NCOR1: variants seen among roughly 807,000 people sequenced by gnomAD.
The protein encoded by NCOR1 is protein phosphatase 1, regulatory subunit 109.
In NCOR1, 63 loss-of-function variants were observed where a neutral mutation model predicts 288.1. The observed-to-expected ratio is 0.22, with a 90% confidence interval of 0.18 to 0.27. The LOEUF (loss-of-function observed/expected upper bound fraction) is 0.27, where lower values mean the gene tolerates loss of function less well. Ranked by LOEUF, NCOR1 falls within the 10% of genes least tolerant of loss-of-function variation. NCOR1 has a pLI of 1.00. For synonymous variants in NCOR1, 1,007 were observed against 1,065.9 expected (o/e 0.94, Z 1.08); for missense variants, 2,397 against 3,019.2 (o/e 0.79, Z 4.83).
intron 11 of NCOR1, among the ~76,000 whole-genome samples, chr17:16,142,726 G>A (rs1291462691): frequency 6.6e-6 from 1 of 152,154 alleles, no homozygotes; most frequent in Non-Finnish European, 1.5e-5. Context: ...AATGTAAACT[G>A]AGACTAGACA....
intron 4 of NCOR1, among the ~76,000 whole-genome samples, chr17:16,170,104 T>TG (rs2082836755): frequency 1.4e-5 from 2 of 139,360 alleles, no homozygotes; most frequent in African/African-American, 5.7e-5. Context: ...ACATATTTGC[T>TG]TTCTGTGTGT....
chr17:16,089,404 C>G (rs773294634), intron 22 of NCOR1, among the ~76,000 whole-genome samples: 3 of 152,024 alleles, frequency 2.0e-5, no homozygotes, highest in Non-Finnish European at 4.4e-5. Context: ...CAGAGGTCAA[C>G]TCGTATAAAT....
intron 40 of NCOR1, among the ~76,000 whole-genome samples, chr17:16,054,085 A>C (rs912597432): frequency 8.0e-5 from 12 of 150,372 alleles, no homozygotes; most frequent in African/African-American, 2.2e-4. Flanking sequence ...AAAAAAAAAA[A>C]AAAAAAAACT....
At chr17:16,149,959 T>G (rs772505009) in intron 8 of NCOR1, among the ~76,000 whole-genome samples, 1 of 152,106 alleles carries the variant, frequency 6.6e-6, no homozygotes, top group African/African-American at 2.4e-5. Flanking sequence ...TATGTAGAGA[T>G]AGGTGACTTC....
intron 43 of NCOR1, chr17:16,040,165 T>C (rs1299768505): frequency 1.8e-6 from 1 of 560,102 alleles, no homozygotes; most frequent in Admixed American, 2.2e-5. Context: ...CACACTTCTA[T>C]TAAAGTTACT....
At position 16,057,131 on chromosome 17, in the gene NCOR1, G is replaced by A. The variant is rs547756907; in HGVS notation, c.6392+383C>T. 19 of 198,776 alleles carry A rather than the reference G, an allele frequency of 9.6e-5. No homozygotes were observed. In the Admixed American group the frequency reaches 9.6e-4, roughly 10 times the overall value. 12.3% of individuals were successfully genotyped at this position (198,776 alleles called of 1,614,324 possible). On this transcript the variant is annotated intron_variant, in intron 40 of 45. Transcript: ENST00000268712. ...TTACAGGTATAAGCCACTATGTCTG[G>A]CCAATATCACCTTCTTAAACTTCTA...
chr17:16,101,886 G>A, intron 19 of NCOR1, 129 bp from the exon 20 acceptor site: 1 of 1,202,992 alleles, frequency 8.3e-7, no homozygotes, highest in Non-Finnish European at 1.1e-6. Flanking sequence ...GAAAGTAGTT[G>A]TTTAGGATGA....
At chr17:16,127,574 T>TACACATGTGTATATATGTATGTATAC (rs1568205827) in intron 14 of NCOR1, among the ~76,000 whole-genome samples, 1 of 137,998 alleles carries the variant, frequency 7.2e-6, no homozygotes, top group Admixed American at 7.0e-5. Context: ...TGTATGTATA[T>TACACATGTGTATATATGTATGTATAC]ATACATATGT....
intron 43 of NCOR1, 92 bp from the exon 44 acceptor site, chr17:16,039,746 A>G: frequency 8.8e-7 from 1 of 1,139,388 alleles, no homozygotes; most frequent in Middle Eastern, 2.1e-4. Flanking sequence ...GAATACACAC[A>G]GCACTTGGCA....
intron 2 of NCOR1, among the ~76,000 whole-genome samples, chr17:16,189,897 A>G (rs1055987324): frequency 7.2e-5 from 11 of 152,240 alleles, no homozygotes; most frequent in African/African-American, 2.7e-4. Context: ...GCATATTTCA[A>G]GTTCAGAGGA....
intron 13 of NCOR1, 99 bp downstream of exon 13, chr17:16,138,059 T>C (rs2076676131): frequency 1.1e-6 from 1 of 882,778 alleles, no homozygotes; most frequent in Non-Finnish European, 1.8e-6. Flanking sequence ...CTTTTTAAAA[T>C]CGGTTCTAGT....
At chr17:16,087,122 C>A in intron 22 of NCOR1, 1 of 1,248,174 alleles carries the variant, frequency 8.0e-7, no homozygotes, top group Non-Finnish European at 1.1e-6. Context: ...CCACGTGGAA[C>A]ATCTGTGGGT....
intron 1 of NCOR1, among the ~76,000 whole-genome samples, chr17:16,201,612 A>C (rs180967125): frequency 1.3e-5 from 2 of 152,226 alleles, no homozygotes; most frequent in Admixed American, 6.5e-5. Flanking sequence ...AATAATAATA[A>C]ATACATAATT....
intron 18 of NCOR1, among the ~76,000 whole-genome samples, chr17:16,112,035 A>G (rs973668500): frequency 6.6e-6 from 1 of 151,802 alleles, no homozygotes. Flanking sequence ...ATGCCCGGCT[A>G]ATTTTTTGTA....
At chr17:16,197,991 T>C (rs1008131110) in intron 1 of NCOR1, among the ~76,000 whole-genome samples, 1 of 151,898 alleles carries the variant, frequency 6.6e-6, no homozygotes, top group Admixed American at 6.6e-5. Flanking sequence ...ATACATACAC[T>C]CACACTTTTT....
At chr17:16,060,898 C>T (rs1219204483) in intron 37 of NCOR1, among the ~76,000 whole-genome samples, 4 of 152,182 alleles carry the variant, frequency 2.6e-5, no homozygotes, top group African/African-American at 9.7e-5. Flanking sequence ...TGCAGTGTAG[C>T]CATCCTAATG....
At position 16,098,430 on chromosome 17, in the gene NCOR1, C is replaced by T. The variant is rs780112242; in HGVS notation, c.2757G>A (p.Pro919=). The T allele has an allele frequency of 1.2e-5, 20 of 1,613,754 alleles. No homozygotes were observed. The highest frequency in any genetic ancestry group is 1.6e-4 in the Middle Eastern group (1 of 6,084). ...NPTGSILVSS[P]LKPNPLDLPQ... ...GCAGATCCAGTGGATTTGGTTTTAA[C>T]GGAGATGAGACGAGTATAGATCCAG... Residue 919 remains proline (P), a synonymous_variant, in exon 21 of 46, where the codon CCG becomes CCA. Transcript: ENST00000268712.
At chr17:16,200,778 C>G (rs1156605628) in intron 1 of NCOR1, among the ~76,000 whole-genome samples, 1 of 151,460 alleles carries the variant, frequency 6.6e-6, no homozygotes, top group East Asian at 1.9e-4. Context: ...CACACCAGTT[C>G]CCACAAAGCT....
At chr17:16,103,441 ACT>A (rs2067993242) in intron 19 of NCOR1, among the ~76,000 whole-genome samples, 1 of 152,024 alleles carries the variant, frequency 6.6e-6, no homozygotes, top group Non-Finnish European at 1.5e-5. Context: ...ACAATAACTC[ACT>A]CTCTCACTCT....
Sources: allele counts gnomAD v4.1 joint callset (sites outside exome capture counted in the v4.1 genomes callset), GRCh38; gene constraint gnomAD v4.1.1; transcripts MANE v1.5; gene names NCBI Gene and HGNC (gene_info 2026-07-23, HGNC 2026-07-21).